The following NRG1 variants were observed in gnomAD, a reference collection of about 807,000 sequenced individuals.
NRG1 encodes the protein pro-neuregulin-1, membrane-bound isoform.
Under a neutral mutation model 63.8 loss-of-function variants are expected in NRG1, and 18 were observed. That is an observed-to-expected ratio of 0.28 (90% CI 0.19 to 0.42). The LOEUF (loss-of-function observed/expected upper bound fraction) is 0.42. Ranked by LOEUF, NRG1 falls within the 10% of genes least tolerant of loss-of-function variation. The pLI is 1.00. For synonymous variants in NRG1, 302 were observed against 301.3 expected (o/e 1.00, Z -0.02); for missense variants, 762 against 814.7 (o/e 0.94, Z 0.79).
intron 1 of NRG1, among the ~76,000 whole-genome samples, chr8:31,686,822 G>A (rs1232224902): frequency 3.3e-5 from 5 of 152,054 alleles, no homozygotes; most frequent in Non-Finnish European, 2.9e-5. Flanking sequence ...AGGCTGAAGT[G>A]TAGTGGTGCA....
chr8:32,647,045 G>T (rs1476967517), intron 5 of NRG1: 2 of 985,138 alleles, frequency 2.0e-6, no homozygotes, highest in Non-Finnish European at 2.4e-6. Flanking sequence ...CGGGGGTGGG[G>T]TGGAGGCAGG....
intron 1 of NRG1, among the ~76,000 whole-genome samples, chr8:32,062,786 A>C (rs549583407): frequency 6.6e-6 from 1 of 152,154 alleles, no homozygotes; most frequent in East Asian, 1.9e-4. Context: ...GATATAATTC[A>C]TATTTGTTTT....
intron 1 of NRG1, among the ~76,000 whole-genome samples, chr8:32,375,113 G>A (rs190438966): frequency 6.6e-6 from 1 of 151,896 alleles, no homozygotes; most frequent in Non-Finnish European, 1.5e-5. Flanking sequence ...CTCCTGAGTA[G>A]CTGGGACTAC....
chr8:31,668,745 T>G (rs1475647508), intron 1 of NRG1, among the ~76,000 whole-genome samples: 1 of 152,208 alleles, frequency 6.6e-6, no homozygotes, highest in Non-Finnish European at 1.5e-5. Flanking sequence ...TCTATGAGTT[T>G]ACAGATACAG....
At chr8:31,920,291 C>T (rs1253579362) in intron 1 of NRG1, among the ~76,000 whole-genome samples, 2 of 92,632 alleles carry the variant, frequency 2.2e-5, no homozygotes, top group Non-Finnish European at 4.2e-5. Flanking sequence ...GAACTACCTT[C>T]GTGCTTTAAA....
chr8:32,592,506 ATC>A (rs1378982528), intron 1 of NRG1, among the ~76,000 whole-genome samples: 1 of 152,152 alleles, frequency 6.6e-6, no homozygotes, highest in East Asian at 1.9e-4. Flanking sequence ...TTTATAGAAT[ATC>A]TCTCATTTTG....
At chr8:31,798,041 G>A (rs1821403717) in intron 1 of NRG1, among the ~76,000 whole-genome samples, 1 of 152,092 alleles carries the variant, frequency 6.6e-6, no homozygotes, top group Admixed American at 6.6e-5. Context: ...GGGGGAGGGG[G>A]AAGAAAGGAG....
chr8:32,223,412 GT>G (rs1846022414), intron 1 of NRG1, among the ~76,000 whole-genome samples: 1 of 152,144 alleles, frequency 6.6e-6, no homozygotes, highest in South Asian at 2.1e-4. Flanking sequence ...TTTTATATTA[GT>G]TTTTTTAGGT....
intron 1 of NRG1, among the ~76,000 whole-genome samples, chr8:31,988,888 T>C (rs898412061): frequency 1.3e-5 from 2 of 152,078 alleles, no homozygotes; most frequent in Admixed American, 6.5e-5. Flanking sequence ...ATTCTTTTCA[T>C]ACTATTCATT....
intron 1 of NRG1, among the ~76,000 whole-genome samples, chr8:32,161,784 C>T (rs1168880809): frequency 1.3e-5 from 2 of 152,182 alleles, no homozygotes; most frequent in African/African-American, 4.8e-5. Flanking sequence ...ATTTTCAATA[C>T]GTGGCTTCAA....
intron 1 of NRG1, among the ~76,000 whole-genome samples, chr8:31,931,624 C>A (rs7018338): frequency 0.014 from 2,174 of 152,280 alleles, 36 homozygotes; most frequent in South Asian, 0.084. Context: ...AAAATAAACA[C>A]ATGAAGAAAA....
chr8:32,460,104 G>C (rs1467784425), intron 1 of NRG1, among the ~76,000 whole-genome samples: 1 of 152,192 alleles, frequency 6.6e-6, no homozygotes. Flanking sequence ...AACTTTATCT[G>C]TTTGTTCACG....
At chr8:31,855,477 C>T (rs1489843094) in intron 1 of NRG1, among the ~76,000 whole-genome samples, 2 of 152,224 alleles carry the variant, frequency 1.3e-5, no homozygotes, top group East Asian at 3.9e-4. Context: ...AGATCTTCCT[C>T]CATCCTTTTA....
chr8:32,284,239 C>CTGTAATGTA (rs1853228715), intron 1 of NRG1, among the ~76,000 whole-genome samples: 1 of 152,080 alleles, frequency 6.6e-6, no homozygotes, highest in South Asian at 2.1e-4. Flanking sequence ...CAATCCCCAC[C>CTGTAATGTA]TGTAATGTAT....
chr8:31,646,670 A>G (rs979637410), intron 1 of NRG1, among the ~76,000 whole-genome samples: 79 of 152,340 alleles, frequency 5.2e-4, no homozygotes, highest in African/African-American at 1.9e-3. Context: ...AGACACATAG[A>G]GTTTGATTTT....
chr8:32,741,198 A>T (rs1826240314), intron 6 of NRG1, among the ~76,000 whole-genome samples: 1 of 152,202 alleles, frequency 6.6e-6, no homozygotes, highest in Non-Finnish European at 1.5e-5. Context: ...GAACAATATT[A>T]TATCAAGATT....
chr8:31,705,060 G>C, intron 1 of NRG1, among the ~76,000 whole-genome samples: 1 of 151,996 alleles, frequency 6.6e-6, no homozygotes, highest in East Asian at 2.0e-4. Context: ...TTTTTGAGAC[G>C]GAGTCTCTGT....
intron 1 of NRG1, among the ~76,000 whole-genome samples, chr8:32,073,192 A>G (rs778082947): frequency 2.0e-5 from 3 of 152,144 alleles, no homozygotes; most frequent in South Asian, 2.1e-4. Flanking sequence ...GTCATTCACT[A>G]TCTTGTCATT....
intron 1 of NRG1, among the ~76,000 whole-genome samples, chr8:31,856,931 C>G (rs1192914722): frequency 6.6e-6 from 1 of 152,190 alleles, no homozygotes; most frequent in Non-Finnish European, 1.5e-5. Flanking sequence ...GCTCGGGGGT[C>G]AGGTGTCAGG....
Sources: allele counts gnomAD v4.1 joint callset (sites outside exome capture counted in the v4.1 genomes callset), GRCh38; gene constraint gnomAD v4.1.1; transcripts MANE v1.5; gene names NCBI Gene and HGNC (gene_info 2026-07-23, HGNC 2026-07-21).